NME9: variants seen among roughly 807,000 people sequenced by gnomAD.
NME9 encodes the protein NME/NM23 family member 9.
Under a neutral mutation model 44.4 loss-of-function variants are expected in NME9, and 48 were observed. That is an observed-to-expected ratio of 1.08 (90% CI 0.86 to 1.37). The LOEUF (loss-of-function observed/expected upper bound fraction) is 1.37. Ranked by LOEUF, NME9 falls within the 40% of genes most tolerant of loss-of-function variation. NME9 has a pLI of 0.00. For synonymous variants in NME9, 139 were observed against 147.1 expected, an observed-to-expected ratio of 0.94 and a Z score of 0.40; for missense variants, 325 against 405.2, an observed-to-expected ratio of 0.80 and a Z score of 1.70.
chr3:138,315,678 G>C (rs759684974), intron 4 of NME9, 35 bp from the exon 5 acceptor site: 119 of 1,446,820 alleles, frequency 8.2e-5, no homozygotes, highest in Non-Finnish European at 1.1e-4. Flanking sequence ...AAATACTCTT[G>C]GCAAATATTA....
At chr3:138,303,435 C>T in intron 10 of NME9, 72 bp downstream of exon 10, 2 of 1,232,864 alleles carry the variant, frequency 1.6e-6, no homozygotes, top group Non-Finnish European at 2.4e-6. Context: ...ATCCCCCACA[C>T]ACTCAAGCAC....
chr3:138,285,195 T>A (rs1021062020), intron 8 of NME9, among the ~76,000 whole-genome samples: 4 of 152,206 alleles, frequency 2.6e-5, no homozygotes, highest in South Asian at 2.1e-4. Context: ...GCTGGCACCC[T>A]CATTCTCCAT....
chr3:138,318,838 A>G (rs913258836), intron 3 of NME9, among the ~76,000 whole-genome samples: 3 of 152,200 alleles, frequency 2.0e-5, no homozygotes, highest in Admixed American at 6.5e-5. Flanking sequence ...TTTATGGTGC[A>G]GAGGATGGAA....
chr3:138,299,809 T>C (rs536749396), downstream of NME9, among the ~76,000 whole-genome samples: 15 of 152,208 alleles, frequency 9.9e-5, no homozygotes, highest in African/African-American at 3.4e-4. Flanking sequence ...TTCCCCTCTC[T>C]CCCCTGCTTT....
intron 8 of NME9, among the ~76,000 whole-genome samples, chr3:138,275,884 G>A (rs1560032573): frequency 6.6e-6 from 1 of 152,096 alleles, no homozygotes; most frequent in Non-Finnish European, 1.5e-5. Context: ...ATTTAACACA[G>A]AGAAAGTATA....
Position 138,329,573 on chromosome 3 carries a change from G to A in NME9, c.-238C>T. ...AGTCCACGGGCTCGTGGCTCGCCGG[G>A]CGGTTTTCTGGGGATCTGCGAAGCC... On this transcript the variant is annotated 5_prime_UTR_variant, in exon 1 of 11. Coordinates refer to ENST00000333911, the MANE Select transcript of NME9 (RefSeq NM_001349018.2). The A allele has an allele frequency of 7.6e-7, 1 of 1,313,072 alleles. No homozygotes were observed. Among genetic ancestry groups the A allele is most frequent in the East Asian group, 3.1e-5 (1 of 32,058 alleles). 81.3% of individuals were successfully genotyped at this position (1,313,072 alleles called of 1,614,324 possible). A position where few individuals can be genotyped will look rare whatever the true frequency, so the allele number is the denominator to read the frequency against.
chr3:138,270,502 A>C (rs969417549), intron 8 of NME9, among the ~76,000 whole-genome samples: 1 of 152,198 alleles, frequency 6.6e-6, no homozygotes, highest in African/African-American at 2.4e-5. Context: ...GATACCAACC[A>C]GAGAGTTCTT....
chr3:138,266,972 C>G (rs1456422884), intron 8 of NME9, among the ~76,000 whole-genome samples: 1 of 152,160 alleles, frequency 6.6e-6, no homozygotes, highest in Non-Finnish European at 1.5e-5. Context: ...GGGCGTTAGT[C>G]CGTCATAATT....
intron 9 of NME9, among the ~76,000 whole-genome samples, chr3:138,304,419 A>G (rs78040246): frequency 0.028 from 4,280 of 152,356 alleles, 74 homozygotes; most frequent in Middle Eastern, 0.061. Flanking sequence ...TGCAATGTGC[A>G]GAACAAGGTA....
chr3:138,266,292 C>G (rs888212496), intron 8 of NME9, among the ~76,000 whole-genome samples: 2 of 152,174 alleles, frequency 1.3e-5, no homozygotes, highest in Admixed American at 6.5e-5. Context: ...ACACTCTACT[C>G]TCCAGCTACA....
intron 9 of NME9, among the ~76,000 whole-genome samples, 177 bp downstream of exon 9, chr3:138,304,696 C>A (rs2052102018): frequency 6.6e-6 from 1 of 152,212 alleles, no homozygotes; most frequent in African/African-American, 2.4e-5. Flanking sequence ...TCAGCAAAGG[C>A]TGAGGACTGG....
downstream of NME9, chr3:138,296,595 C>G (rs1034875829): frequency 3.3e-5 from 5 of 152,024 alleles, no homozygotes; most frequent in African/African-American, 1.2e-4. Context: ...GATTAACAGG[C>G]ACTATACATG....
In NME9 at chr3:138,262,359, C is replaced by T. The variant is rs940582908; in HGVS notation, c.*181G>A. The T allele has an allele frequency of 8.7e-6, 6 of 687,634 alleles. No homozygotes were observed. The Admixed American group carries it at 1.6e-4, about 19-fold the overall frequency. 42.6% of individuals were successfully genotyped at this position (687,634 alleles called of 1,614,324 possible). A position where few individuals can be genotyped will look rare whatever the true frequency, so the allele number is the denominator to read the frequency against. ...TGTAAATGTTTTGGAAACTAAAACA[C>T]CAGATAAAAATTACCATTCCTAATC... On this transcript the variant is annotated 3_prime_UTR_variant, in exon 9 of 9. Transcript: ENST00000317876.
exon 9 of NME9, chr3:138,261,771 A>G (rs1255736990): frequency 6.6e-6 from 1 of 152,224 alleles, no homozygotes; most frequent in Non-Finnish European, 1.5e-5. Context: ...ATCAAGGTAG[A>G]TAGGCTTTGA....
intron 8 of NME9, among the ~76,000 whole-genome samples, chr3:138,277,712 T>G (rs1048914136): frequency 2.6e-5 from 4 of 152,238 alleles, no homozygotes; most frequent in Admixed American, 2.0e-4. Context: ...ACAGTCATTT[T>G]GGAAATGGTT....
intron 6 of NME9, among the ~76,000 whole-genome samples, chr3:138,308,945 GAAAAAAAAAAAAAA>G (rs1002890235): frequency 1.9e-5 from 1 of 52,886 alleles, no homozygotes; most frequent in East Asian, 7.4e-4. Flanking sequence ...AATACTGAAA[GAAAAAAAAAAAAAA>G]AAAAAAAAAA....
intron 8 of NME9, among the ~76,000 whole-genome samples, chr3:138,276,302 T>G (rs2108320902): frequency 6.6e-6 from 1 of 152,326 alleles, no homozygotes; most frequent in East Asian, 1.9e-4. Context: ...CTGCACATAT[T>G]TAAAGTATAC....
At chr3:138,324,516 C>T (rs1306135145) in intron 2 of NME9, 1 of 469,072 alleles carries the variant, frequency 2.1e-6, no homozygotes, top group Non-Finnish European at 4.2e-6. Context: ...GTTCAAGTCC[C>T]AGTGATGCCT....
chr3:138,319,501 G>T lies in NME9; in HGVS notation c.172C>A (p.Leu58Met). Residue 58 changes from leucine to methionine, a missense_variant, in exon 3 of 11, where the codon CTG (leucine) becomes ATG (methionine). Physicochemically the swap from Leu to Met is conservative, Grantham distance 15. Coordinates refer to ENST00000333911, the MANE Select transcript of NME9 (RefSeq NM_001349018.2). ...ACTAATGCAAAGTGCAGAAGGTCCA[G>T]GCCGACCTCGATCCTCATCTTCTGG... ...LFQKMRIEVGLDLLHFALAEA... is the reference protein window; with the variant it reads ...LFQKMRIEVGMDLLHFALAEA... 6.2e-7 allele frequency: 1 copy of T among 1,610,510 alleles called. No homozygotes were observed. Among genetic ancestry groups the T allele is most frequent in the Non-Finnish European group, 8.5e-7 (1 of 1,176,680 alleles).
Sources: allele counts gnomAD v4.1 joint callset (sites outside exome capture counted in the v4.1 genomes callset), GRCh38; gene constraint gnomAD v4.1.1; transcripts MANE v1.5; gene names NCBI Gene and HGNC (gene_info 2026-07-23, HGNC 2026-07-21).